Variants in ACYP2 observed in about 807,000 individuals in gnomAD.
ACYP2 encodes the protein acylphosphatase 2.
In ACYP2, 12 loss-of-function variants were observed where a neutral mutation model predicts 11.2. The ratio of observed to expected loss-of-function variants is 1.08; its 90% CI spans 0.69 to 1.74. The LOEUF (loss-of-function observed/expected upper bound fraction) is 1.74, where lower values mean the gene tolerates loss of function less well. Among genes scored for constraint, ACYP2 ranks in the 40% most tolerant of loss-of-function variants. The pLI, the probability that ACYP2 is intolerant of heterozygous loss-of-function variation, is 0.00. For synonymous variants in ACYP2, 43 were observed against 32.2 expected (o/e 1.33, Z -1.13); for missense variants, 134 against 101.9 (o/e 1.31, Z -1.35).
intron 6 of ACYP2, among the ~76,000 whole-genome samples, chr2:54,283,914 A>G (rs1688958329): frequency 6.6e-6 from 1 of 152,202 alleles, no homozygotes; most frequent in Non-Finnish European, 1.5e-5. Context: ...CAGGAGTTCA[A>G]GACCAGCCAG....
At chr2:54,209,438 T>G (rs538832895) in intron 6 of ACYP2, among the ~76,000 whole-genome samples, 4 of 152,330 alleles carry the variant, frequency 2.6e-5, no homozygotes, top group South Asian at 2.1e-4. Flanking sequence ...AATAATCAAG[T>G]GTGACTCTCT....
At chr2:54,282,437 C>T (rs1424187614) in intron 6 of ACYP2, among the ~76,000 whole-genome samples, 1 of 152,186 alleles carries the variant, frequency 6.6e-6, no homozygotes, top group African/African-American at 2.4e-5. Flanking sequence ...AAGCAGATGG[C>T]CCTTGTGGTC....
intron 6 of ACYP2, among the ~76,000 whole-genome samples, chr2:54,287,843 A>T (rs148764650): frequency 4.6e-5 from 7 of 152,168 alleles, no homozygotes; most frequent in African/African-American, 1.7e-4. Flanking sequence ...ACCAAATTGC[A>T]GACTTGTAAG....
At chr2:54,009,273 T>C (rs1381849929) in intron 2 of ACYP2, among the ~76,000 whole-genome samples, 1 of 151,988 alleles carries the variant, frequency 6.6e-6, no homozygotes, top group Non-Finnish European at 1.5e-5. Context: ...TTTGAAAAAT[T>C]CCTGGCTGGA....
At chr2:54,030,506 G>A (rs531852531) in intron 2 of ACYP2, 1 of 155,690 alleles carries the variant, frequency 6.4e-6, no homozygotes, top group African/African-American at 2.4e-5. Context: ...TGTCTAACTG[G>A]AGTGCTATGC....
intron 4 of ACYP2, among the ~76,000 whole-genome samples, chr2:54,093,637 T>C (rs1057114635): frequency 2.0e-5 from 3 of 152,184 alleles, no homozygotes; most frequent in Non-Finnish European, 4.4e-5. Context: ...GGAATAACAA[T>C]GATATTAAAT....
intron 2 of ACYP2, among the ~76,000 whole-genome samples, chr2:54,010,373 A>G (rs1021331159): frequency 6.6e-6 from 1 of 151,986 alleles, no homozygotes; most frequent in African/African-American, 2.4e-5. Context: ...AATCCCAGCT[A>G]CTCGGGAGGC....
intron 4 of ACYP2, among the ~76,000 whole-genome samples, chr2:54,121,924 T>C (rs1680182441): frequency 6.6e-6 from 1 of 152,232 alleles, no homozygotes; most frequent in African/African-American, 2.4e-5. Flanking sequence ...ATTGAAGTAT[T>C]TGGGGATATC....
At chr2:54,197,855 C>T (rs1281999925) in intron 6 of ACYP2, among the ~76,000 whole-genome samples, 2 of 152,066 alleles carry the variant, frequency 1.3e-5, no homozygotes, top group East Asian at 3.9e-4. Context: ...TCTTCCTACA[C>T]TGGAGGGTTT....
chr2:54,259,950 A>G (rs908168045), intron 6 of ACYP2, among the ~76,000 whole-genome samples: 5 of 152,226 alleles, frequency 3.3e-5, no homozygotes, highest in Non-Finnish European at 5.9e-5. Flanking sequence ...TGTTTTTAAA[A>G]TGGGAGATGA....
At chr2:54,124,196 CTTTT>C (rs796548629) in intron 4 of ACYP2, among the ~76,000 whole-genome samples, 1 of 143,170 alleles carries the variant, frequency 7.0e-6, no homozygotes. Context: ...CATATTGAAT[CTTTT>C]TTTTTTTTTT....
chr2:54,088,956 C>T (rs970037537), intron 4 of ACYP2, among the ~76,000 whole-genome samples: 6 of 152,104 alleles, frequency 3.9e-5, no homozygotes, highest in Admixed American at 6.6e-5. Flanking sequence ...CAACAGACAG[C>T]TGAAAGACTG....
chr2:54,126,311 A>G (rs1028122174), intron 4 of ACYP2, among the ~76,000 whole-genome samples: 6 of 152,192 alleles, frequency 3.9e-5, no homozygotes, highest in Non-Finnish European at 5.9e-5. Flanking sequence ...ATATAAATGC[A>G]TATCACTATA....
chr2:54,178,902 G>T (rs544027258), intron 6 of ACYP2, among the ~76,000 whole-genome samples: 1 of 152,004 alleles, frequency 6.6e-6, no homozygotes, highest in African/African-American at 2.4e-5. Context: ...GTCCATTCAC[G>T]CTACTATAAC....
intron 4 of ACYP2, among the ~76,000 whole-genome samples, chr2:54,076,180 G>A (rs558942752): frequency 6.6e-6 from 1 of 152,292 alleles, no homozygotes; most frequent in South Asian, 2.1e-4. Context: ...TAAGTGTAAA[G>A]AAAGTATTCT....
intron 2 of ACYP2, among the ~76,000 whole-genome samples, chr2:54,026,240 C>G (rs1674279081): frequency 2.0e-5 from 3 of 151,880 alleles, no homozygotes. Flanking sequence ...AAAAACAATC[C>G]CATTAAAAAG....
At chr2:54,051,152 A>G (rs1457124229) in intron 3 of ACYP2, 1 of 697,922 alleles carries the variant, frequency 1.4e-6, no homozygotes, top group South Asian at 1.6e-5. Flanking sequence ...GCACTGGGCA[A>G]GTGAGAACCA....
intron 6 of ACYP2, among the ~76,000 whole-genome samples, chr2:54,170,601 G>C (rs1219613592): frequency 6.6e-6 from 1 of 150,772 alleles, no homozygotes; most frequent in African/African-American, 2.4e-5. Flanking sequence ...AATAGACACA[G>C]TCTCTTAGGC....
intron 2 of ACYP2, among the ~76,000 whole-genome samples, chr2:54,003,266 A>G: frequency 6.6e-6 from 1 of 150,500 alleles, no homozygotes; most frequent in Non-Finnish European, 1.5e-5. Context: ...TTATTTATTT[A>G]TTTATTTATT....
Sources: gnomAD v4.1 joint callset for allele counts (sites outside exome capture counted in the v4.1 genomes callset) on GRCh38, gnomAD v4.1.1 for gene constraint, MANE v1.5 for transcripts, NCBI Gene and HGNC (gene_info 2026-07-23, HGNC 2026-07-21) for gene names.